ME2: variants seen among roughly 807,000 people sequenced by gnomAD.
ME2 encodes the protein malic enzyme 2.
Under a neutral mutation model 73.7 loss-of-function variants are expected in ME2, and 60 were observed. The ratio of observed to expected loss-of-function variants is 0.81; its 90% CI spans 0.66 to 1.01. The LOEUF (loss-of-function observed/expected upper bound fraction) is 1.01. Among genes scored for constraint, ME2 ranks in the 50% least tolerant of loss-of-function variants. ME2 has a pLI of 0.00. For missense variants in ME2, 594 were observed against 705.5 expected (o/e 0.84, Z 1.79); for synonymous variants, 199 against 236.9 (o/e 0.84, Z 1.47).
intron 3 of ME2, among the ~76,000 whole-genome samples, chr18:50,910,292 A>G (rs1182607259): frequency 2.0e-5 from 3 of 149,566 alleles, no homozygotes; most frequent in African/African-American, 7.4e-5. Flanking sequence ...AAAAAAAAAA[A>G]GCCAGGCATG....
rs1170772220 is a variant in ME2 at position 50,932,220 on chromosome 18, AAAATAACAAAAT to A, written c.1315-37_1315-26del. ...TTCACCTCAATTTTCTCATCCACAG[AAAATAACAAAAT>A]TGAAGTTATTTCATTTTATTAACAG... is the stretch of plus-strand genomic sequence containing the variant. On this transcript the variant is annotated intron_variant, in intron 12 of 15. Transcript: ENST00000321341. The A allele has an allele frequency of 1.9e-6, 3 of 1,561,976 alleles. No homozygotes were observed. In the African/African-American group the frequency reaches 4.1e-5, roughly 21 times the overall value.
intron 15 of ME2, 59 bp from the exon 16 acceptor site, chr18:50,946,958 G>A (rs140496321): frequency 4.0e-5 from 49 of 1,223,540 alleles, no homozygotes; most frequent in South Asian, 3.4e-4. Flanking sequence ...ATAATAGTAC[G>A]TTGTCTCTCT....
At chr18:50,918,021 T>C (rs762525873) in intron 6 of ME2, 89 bp from the exon 7 acceptor site, 26 of 702,546 alleles carry the variant, frequency 3.7e-5, no homozygotes, top group Non-Finnish European at 5.3e-5. Context: ...AAAAATTGTA[T>C]TAGTAATTTT....
At chr18:50,901,744 A>C (rs1916896501) in intron 2 of ME2, among the ~76,000 whole-genome samples, 2 of 152,222 alleles carry the variant, frequency 1.3e-5, no homozygotes, top group South Asian at 4.1e-4. Flanking sequence ...TTTGTTTTTC[A>C]CTTTTGTTCT....
At chr18:50,900,158 A>G (rs1297432360) in intron 2 of ME2, among the ~76,000 whole-genome samples, 2 of 150,830 alleles carry the variant, frequency 1.3e-5, no homozygotes, top group African/African-American at 4.9e-5. Context: ...GCCACTCCTC[A>G]TGGCTTGCAT....
At chr18:50,897,859 C>CAA (rs962608319) in intron 2 of ME2, among the ~76,000 whole-genome samples, 2 of 125,708 alleles carry the variant, frequency 1.6e-5, no homozygotes, top group African/African-American at 6.3e-5. Flanking sequence ...AACTCCATCT[C>CAA]AAAAAAAAAA....
At chr18:50,936,752 T>C (rs1917828737) in intron 13 of ME2, among the ~76,000 whole-genome samples, 1 of 151,992 alleles carries the variant, frequency 6.6e-6, no homozygotes, top group Non-Finnish European at 1.5e-5. Context: ...ATAGGGAGAC[T>C]CTGTCTCTAC....
chr18:50,880,268 G>A (rs906424426), intron 1 of ME2, among the ~76,000 whole-genome samples: 1 of 152,144 alleles, frequency 6.6e-6, no homozygotes, highest in African/African-American at 2.4e-5. Flanking sequence ...GGTTTAGGTA[G>A]GTTAAGTAAC....
chr18:50,950,820 G>A lies in ME2; in HGVS notation c.*3636G>A. 1 of 152,216 alleles carries A rather than the reference G, an allele frequency of 6.6e-6. No homozygotes were observed. The highest frequency in any genetic ancestry group is 6.6e-5 in the Admixed American group (1 of 15,254). The allele number at this position is 152,216 out of a possible 1,614,324, so 9.4% of individuals were successfully genotyped here. On this transcript the variant is annotated 3_prime_UTR_variant, in exon 16 of 16. Transcript: ENST00000321341. ...GTCCACTTCTGACAAGCTCCCAGGT[G>A]ATGCCTATGCTGCTGGTACAGTGAA...
rs1399642907 is a variant in ME2, at chr18:50,920,764, T to C, written c.942+6T>C. The C allele has an allele frequency of 2.5e-6, 4 of 1,585,166 alleles. No individual in the cohort carries two copies. The African/African-American group carries it at 4.1e-5, about 16-fold the overall frequency. On this transcript the variant is annotated splice_donor_region_variant and intron_variant, in intron 9 of 15. Transcript: ENST00000321341. ...TATTCCTTGGAGCAGGAGAGGTAAG[T>C]TTTGAAGGCTTTTTGAAACTTAAGC...
intron 10 of ME2, among the ~76,000 whole-genome samples, chr18:50,923,463 A>C (rs1419968466): frequency 6.6e-6 from 1 of 152,028 alleles, no homozygotes; most frequent in East Asian, 1.9e-4. Flanking sequence ...AAATATGAAA[A>C]ATTCTCAGCC....
rs1168670908 is a variant in ME2 at position 50,947,160 on chromosome 18, A to C, written c.1731A>C (p.Ser577=). 1 of 1,613,386 alleles carries C rather than the reference A, an allele frequency of 6.2e-7. No homozygotes were observed. The highest frequency in any genetic ancestry group is 1.7e-5 in the Admixed American group (1 of 60,014). The change falls in exon 16 of 16, where the codon TCA becomes TCC. Residue 577 remains serine (S), a synonymous_variant. Coordinates refer to ENST00000321341, the MANE Select transcript of ME2 (RefSeq NM_002396.5). ...TGTATGAATGGCCAGAATCTGCATC[A>C]AGCCCTCCTGTGATAACAGAATAGA... ...PDVYEWPESA[S]SPPVITE is the part of the protein sequence containing the mutation.
At chr18:50,916,360 G>A (rs1354367972) in intron 5 of ME2, 117 bp downstream of exon 5, 1 of 744,340 alleles carries the variant, frequency 1.3e-6, no homozygotes, top group African/African-American at 1.8e-5. Flanking sequence ...TTATATACAT[G>A]CAGATTTAGT....
chr18:50,930,027 A>C lies in ME2; in HGVS notation c.1315-2231A>C, dbSNP rs188762830. Among the ~76,000 whole-genome samples, 10 of 152,326 alleles carry C rather than the reference A, an allele frequency of 6.6e-5. No individual in the cohort carries two copies. The East Asian group carries it at 1.9e-3, about 29-fold the overall frequency. On this transcript the variant is annotated intron_variant, in intron 12 of 15. Transcript: ENST00000321341. ...TGATATACTATATTTCATCAGTTTTAAGATCAAGGATTGCTTGAGCCCATG... is the reference window on the plus strand; with the variant it reads ...TGATATACTATATTTCATCAGTTTTCAGATCAAGGATTGCTTGAGCCCATG...
At chr18:50,942,069 C>A (rs1845370369) in intron 15 of ME2, among the ~76,000 whole-genome samples, 1 of 151,848 alleles carries the variant, frequency 6.6e-6, no homozygotes, top group South Asian at 2.1e-4. Context: ...TTTGTGGATT[C>A]TCTCCTCACC....
At chr18:50,922,147 A>T (rs1347795255) in intron 10 of ME2, among the ~76,000 whole-genome samples, 1 of 152,254 alleles carries the variant, frequency 6.6e-6, no homozygotes, top group Non-Finnish European at 1.5e-5. Flanking sequence ...TTAGTACAAA[A>T]AATAAAATGA....
chr18:50,898,573 A>G (rs1387275411), intron 2 of ME2, among the ~76,000 whole-genome samples: 1 of 152,122 alleles, frequency 6.6e-6, no homozygotes, highest in Non-Finnish European at 1.5e-5. Context: ...CTGAGACTAC[A>G]GGCACGTGCC....
At chr18:50,939,541 A>G (rs992651885) in intron 13 of ME2, 29 bp from the exon 14 acceptor site, 1 of 1,486,472 alleles carries the variant, frequency 6.7e-7, no homozygotes, top group Admixed American at 1.7e-5. Flanking sequence ...AAAAGTGACC[A>G]TACTAGTAAA....
At chr18:50,905,233 C>T (rs1916992497) in intron 2 of ME2, among the ~76,000 whole-genome samples, 1 of 152,150 alleles carries the variant, frequency 6.6e-6, no homozygotes, top group South Asian at 2.1e-4. Context: ...GAACCACCCA[C>T]CTAAGGCTCC....
Sources: allele counts gnomAD v4.1 joint callset (sites outside exome capture counted in the v4.1 genomes callset), GRCh38; gene constraint gnomAD v4.1.1; transcripts MANE v1.5; gene names NCBI Gene and HGNC (gene_info 2026-07-23, HGNC 2026-07-21).